The following PCDHGA2 variants were observed in gnomAD, a reference collection of about 807,000 sequenced individuals.
The protein encoded by PCDHGA2 is protocadherin gamma-A2.
A neutral mutation model predicts 59.2 loss-of-function variants in PCDHGA2; 40 were observed. That is an observed-to-expected ratio of 0.68 (90% CI 0.52 to 0.88). PCDHGA2 has a LOEUF of 0.88. PCDHGA2 is among the 40% of genes least tolerant of loss of function. The pLI is 0.00. For synonymous variants in PCDHGA2, 560 were observed against 526.0 expected, an observed-to-expected ratio of 1.06 and a Z score of -0.89; for missense variants, 1,226 against 1,204.0, an observed-to-expected ratio of 1.02 and a Z score of -0.27.
intron 1 of PCDHGA2, chr5:141,391,305 T>TC (rs1349412285): frequency 6.6e-6 from 1 of 151,546 alleles, no homozygotes; most frequent in African/African-American, 2.4e-5. Flanking sequence ...GTCTTTCGAT[T>TC]CTTTTTTTTT....
intron 1 of PCDHGA2, chr5:141,360,392 T>C: frequency 6.2e-7 from 1 of 1,613,906 alleles, no homozygotes; most frequent in South Asian, 1.1e-5. Flanking sequence ...GACTTACTTG[T>C]GAGTGACAGA....
intron 1 of PCDHGA2, chr5:141,344,156 A>G: frequency 6.2e-7 from 1 of 1,614,006 alleles, no homozygotes; most frequent in Non-Finnish European, 8.5e-7. Flanking sequence ...AGCTAGATAA[A>G]GGTTCCTTCG....
chr5:141,345,959 C>A lies in PCDHGA2; in HGVS notation c.2424+4564C>A, dbSNP rs374899722. 692 of 1,613,284 alleles carry A rather than the reference C, an allele frequency of 4.3e-4. 3 individuals carry two copies. In the South Asian group the frequency reaches 4.8e-3, roughly 11 times the overall value. ...ACAGAGACGCGCTCAAGCAGAGCCT[C>A]GTGGTGGCCGTCCAGGACCACGGCC... On this transcript the variant is annotated intron_variant, in intron 1 of 3. Transcript: ENST00000394576.
chr5:141,467,908 C>G (rs2099154038), intron 1 of PCDHGA2, among the ~76,000 whole-genome samples: 1 of 152,172 alleles, frequency 6.6e-6, no homozygotes, highest in Non-Finnish European at 1.5e-5. Flanking sequence ...ATCCGCCCAC[C>G]TCAGCCTCCC....
chr5:141,479,928 C>T (rs1309777916), intron 1 of PCDHGA2, among the ~76,000 whole-genome samples: 1 of 152,222 alleles, frequency 6.6e-6, no homozygotes, highest in African/African-American at 2.4e-5. Flanking sequence ...CTCAGTGCAT[C>T]ATTGCTATCA....
chr5:141,363,908 A>C (rs1266423621), intron 1 of PCDHGA2, among the ~76,000 whole-genome samples: 6 of 152,234 alleles, frequency 3.9e-5, no homozygotes, highest in Non-Finnish European at 8.8e-5. Context: ...GCATTAAATA[A>C]AATTTTTGTA....
At chr5:141,404,068 T>C (rs2094481501) in intron 1 of PCDHGA2, 3 of 1,613,782 alleles carry the variant, frequency 1.9e-6, no homozygotes, top group Non-Finnish European at 2.5e-6. Flanking sequence ...TCAATGCTCA[T>C]GACCGAGACT....
At chr5:141,399,205 A>G (rs1344993471) in intron 1 of PCDHGA2, 1 of 1,613,982 alleles carries the variant, frequency 6.2e-7, no homozygotes, top group Admixed American at 1.7e-5. Flanking sequence ...GGTGCCTGGA[A>G]CACTAATTGC....
chr5:141,348,743 A>G (rs1003038486), intron 1 of PCDHGA2, among the ~76,000 whole-genome samples: 3 of 152,246 alleles, frequency 2.0e-5, no homozygotes, highest in Non-Finnish European at 4.4e-5. Flanking sequence ...TCATAGTAAA[A>G]GGAATGGAAA....
intron 1 of PCDHGA2, chr5:141,423,117 G>A (rs1429958385): frequency 6.2e-7 from 1 of 1,613,698 alleles, no homozygotes; most frequent in Non-Finnish European, 8.5e-7. Flanking sequence ...TGCGTACAGC[G>A]CGGGCACTGC....
intron 1 of PCDHGA2, among the ~76,000 whole-genome samples, chr5:141,448,614 A>G (rs985924011): frequency 1.3e-5 from 2 of 152,070 alleles, no homozygotes; most frequent in East Asian, 1.9e-4. Flanking sequence ...ACCACTTTAT[A>G]TCTTCCTTTC....
At position 141,491,692 on chromosome 5, in the gene PCDHGA2, C is replaced by T. The variant is rs749349869; in HGVS notation, c.2425-3115C>T. On this transcript the variant is annotated intron_variant, in intron 1 of 3. Coordinates refer to ENST00000394576, the MANE Select transcript of PCDHGA2 (RefSeq NM_018915.4). This position sits in a 1 kb window ranked among gnomAD's most constrained non-coding sequence, Gnocchi z 6.9. ...GTCCCGCTCTAATACGCTGCGGGAG[C>T]GGAGCCAGGTGAGGGGCTCGGCGCC... is the stretch of plus-strand genomic sequence containing the variant. 1 of 1,612,594 alleles carries T rather than the reference C, an allele frequency of 6.2e-7. No homozygotes were observed. The highest frequency in any genetic ancestry group is 8.5e-7 in the Non-Finnish European group (1 of 1,179,340).
At chr5:141,422,684 C>T (rs2096664410) in intron 1 of PCDHGA2, 1 of 1,604,876 alleles carries the variant, frequency 6.2e-7, no homozygotes, top group Admixed American at 1.7e-5. Flanking sequence ...AAACAGAATG[C>T]CCTGGTCACT....
At chr5:141,371,474 T>A in intron 1 of PCDHGA2, 1 of 1,613,986 alleles carries the variant, frequency 6.2e-7, no homozygotes, top group South Asian at 1.1e-5. Flanking sequence ...AAGAAGATGC[T>A]GAGCTGGGGA....
intron 1 of PCDHGA2, among the ~76,000 whole-genome samples, chr5:141,358,236 T>C (rs1225298573): frequency 1.3e-5 from 2 of 152,182 alleles, no homozygotes; most frequent in African/African-American, 2.4e-5. Flanking sequence ...AATTTCCTTT[T>C]CTCTTAGGTG....
At chr5:141,422,488 A>G in intron 1 of PCDHGA2, 1 of 1,614,000 alleles carries the variant, frequency 6.2e-7, no homozygotes, top group Non-Finnish European at 8.5e-7. Context: ...GAGCTACAAT[A>G]TAACGTTGAC....
In PCDHGA2 at chr5:141,476,348, G is replaced by T. The variant is rs764669470; in HGVS notation, c.2425-18459G>T. On this transcript the variant is annotated intron_variant, in intron 1 of 3. Transcript: ENST00000394576. This position sits in a 1 kb window ranked among gnomAD's most constrained non-coding sequence, Gnocchi z 7.6. ...GTCTGGAGCTAGCCGAAGATTCTTTGAGGTGAACCGGGAGACCGGAGAGAT... is the reference window on the plus strand; with the variant it reads ...GTCTGGAGCTAGCCGAAGATTCTTTTAGGTGAACCGGGAGACCGGAGAGAT... 1 of 1,614,190 alleles carries T rather than the reference G, an allele frequency of 6.2e-7. No individual in the cohort carries two copies. The highest frequency in any genetic ancestry group is 8.5e-7 in the Non-Finnish European group (1 of 1,180,032).
At chr5:141,347,245 G>T (rs541752483) in intron 1 of PCDHGA2, among the ~76,000 whole-genome samples, 43 of 150,724 alleles carry the variant, frequency 2.9e-4, no homozygotes, top group African/African-American at 9.3e-4. Flanking sequence ...CCTTGACCTC[G>T]CAGACTCAAG....
rs979645454 is a variant in PCDHGA2 at position 141,364,198 on chromosome 5, C to T, written c.2424+22803C>T. 3.6e-6 allele frequency: 4 copies of T among 1,108,464 alleles called. No individual in the cohort carries two copies. In the African/African-American group the frequency reaches 4.8e-5, roughly 13 times the overall value. 68.7% of individuals were successfully genotyped at this position (1,108,464 alleles called of 1,614,324 possible). ...GCTCCCTCCATACTAAACACACAGACCAGACAAGCTCCTACGAAAAGCCAA... is the reference window on the plus strand; with the variant it reads ...GCTCCCTCCATACTAAACACACAGATCAGACAAGCTCCTACGAAAAGCCAA... On this transcript the variant is annotated intron_variant, in intron 1 of 3. Transcript: ENST00000394576.
Sources: allele counts gnomAD v4.1 joint callset (sites outside exome capture counted in the v4.1 genomes callset), GRCh38; gene constraint gnomAD v4.1.1; non-coding constraint Gnocchi (gnomAD v3.1); transcripts MANE v1.5; gene names NCBI Gene and HGNC (gene_info 2026-07-23, HGNC 2026-07-21).